Variants in SPAG16 observed in about 807,000 individuals in gnomAD.
SPAG16 encodes sperm associated antigen 16.
SPAG16 carries 86 observed loss-of-function variants against 80.4 expected under a neutral mutation model. The ratio of observed to expected loss-of-function variants is 1.07; its 90% confidence interval spans 0.90 to 1.28. The LOEUF (loss-of-function observed/expected upper bound fraction) is 1.28. Among genes scored for constraint, SPAG16 ranks in the 50% most tolerant of loss-of-function variants. The pLI, the probability that SPAG16 is intolerant of heterozygous loss-of-function variation, is 0.00. For synonymous variants in SPAG16, 294 were observed against 265.9 expected (o/e 1.11, Z -1.03); for missense variants, 870 against 765.3 (o/e 1.14, Z -1.61).
At chr2:213,639,441 G>C (rs548677720) in intron 10 of SPAG16, among the ~76,000 whole-genome samples, 1 of 152,238 alleles carries the variant, frequency 6.6e-6, no homozygotes, top group African/African-American at 2.4e-5. Flanking sequence ...TGGCTTCGTA[G>C]TGCTGAATTC....
At chr2:213,862,669 G>C (rs2075523962) in intron 11 of SPAG16, 41 bp downstream of exon 11, 1 of 1,606,604 alleles carries the variant, frequency 6.2e-7, no homozygotes, top group South Asian at 1.1e-5. Context: ...AATCTCTCTA[G>C]GAATGTGCTC....
chr2:213,843,644 A>G (rs1331669006), intron 10 of SPAG16, among the ~76,000 whole-genome samples: 1 of 152,210 alleles, frequency 6.6e-6, no homozygotes, highest in African/African-American at 2.4e-5. Context: ...TGAGGCCAGA[A>G]GTTTGAAACT....
chr2:214,077,837 C>T (rs1330650002), intron 13 of SPAG16, among the ~76,000 whole-genome samples: 1 of 152,202 alleles, frequency 6.6e-6, no homozygotes, highest in African/African-American at 2.4e-5. Context: ...ATTCTGCCCA[C>T]CAAAATCCTG....
chr2:213,713,974 T>C (rs1015778277), intron 10 of SPAG16, among the ~76,000 whole-genome samples: 1 of 152,176 alleles, frequency 6.6e-6, no homozygotes, highest in African/African-American at 2.4e-5. Context: ...TAACAAACTA[T>C]CAAAAGTTCT....
At chr2:214,022,349 A>G (rs2047916788) in intron 13 of SPAG16, among the ~76,000 whole-genome samples, 1 of 152,086 alleles carries the variant, frequency 6.6e-6, no homozygotes, top group Non-Finnish European at 1.5e-5. Flanking sequence ...TTCTGCCTGG[A>G]TTCAAACCCA....
At chr2:214,297,767 A>T (rs2125943726) in intron 15 of SPAG16, among the ~76,000 whole-genome samples, 1 of 147,956 alleles carries the variant, frequency 6.8e-6, no homozygotes, top group Non-Finnish European at 1.5e-5. Flanking sequence ...GCAGTCAGGT[A>T]TTGTGATGCC....
intron 15 of SPAG16, among the ~76,000 whole-genome samples, chr2:214,405,632 C>G (rs1025323959): frequency 3.3e-5 from 5 of 152,080 alleles, no homozygotes; most frequent in African/African-American, 1.2e-4. Flanking sequence ...CCCATCTCTA[C>G]TAAAAATACA....
chr2:213,395,931 T>C (rs2068008666), intron 9 of SPAG16, among the ~76,000 whole-genome samples: 1 of 152,244 alleles, frequency 6.6e-6, no homozygotes, highest in Admixed American at 6.5e-5. Flanking sequence ...AATTGCTGTT[T>C]CAACACAATT....
chr2:213,864,329 T>G (rs1485335569), intron 11 of SPAG16, among the ~76,000 whole-genome samples: 3 of 152,144 alleles, frequency 2.0e-5, no homozygotes, highest in Admixed American at 6.5e-5. Context: ...TGTGATTTGG[T>G]AAGAAAAGAT....
At chr2:213,299,329 G>T (rs762497733) in intron 3 of SPAG16, among the ~76,000 whole-genome samples, 18 of 149,162 alleles carry the variant, frequency 1.2e-4, no homozygotes, top group Non-Finnish European at 2.5e-4. Flanking sequence ...TTGAGACGGA[G>T]TCTCACTCTG....
rs559781150 is a variant in SPAG16 at position 214,149,633 on chromosome 2, A to G, written c.1720+367A>G. Among the ~76,000 whole-genome samples the G allele has an allele frequency of 7.2e-5, 11 of 152,242 alleles. No homozygotes were observed. The South Asian group carries it at 8.3e-4, about 11-fold the overall frequency. On this transcript the variant is annotated intron_variant, in intron 15 of 15. Transcript: ENST00000331683. The stretch of plus-strand genomic sequence containing the variant: ...TAACAGTAGAGAAGAACAAAAGTTT[A>G]GCAAAAATGAACCTGAAATATTTTT...
At chr2:213,429,672 A>C (rs1274244644) in intron 9 of SPAG16, among the ~76,000 whole-genome samples, 1 of 152,164 alleles carries the variant, frequency 6.6e-6, no homozygotes, top group African/African-American at 2.4e-5. Context: ...CTGCTCACCC[A>C]CCTGGTACAC....
At chr2:214,120,133 T>C (rs1290497374) in intron 14 of SPAG16, among the ~76,000 whole-genome samples, 2 of 151,922 alleles carry the variant, frequency 1.3e-5, no homozygotes, top group Non-Finnish European at 2.9e-5. Flanking sequence ...GTCAATTCTC[T>C]CTAGTATCTC....
At chr2:213,339,692 T>C (rs2064569767) in intron 5 of SPAG16, among the ~76,000 whole-genome samples, 1 of 152,200 alleles carries the variant, frequency 6.6e-6, no homozygotes, top group South Asian at 2.1e-4. Context: ...TTCTAGAATT[T>C]ATATGCTTTC....
chr2:214,253,109 A>C (rs1347777620), intron 15 of SPAG16, among the ~76,000 whole-genome samples: 1 of 142,616 alleles, frequency 7.0e-6, no homozygotes, highest in Non-Finnish European at 1.5e-5. Flanking sequence ...TTTTTTGAGA[A>C]GGATCTGTTC....
intron 9 of SPAG16, among the ~76,000 whole-genome samples, chr2:213,483,450 AT>A (rs2073843240): frequency 1.3e-5 from 2 of 152,244 alleles, no homozygotes; most frequent in Admixed American, 6.5e-5. Context: ...TGGTATATAT[AT>A]TGAACCTGTT....
chr2:213,970,306 A>AT (rs2044962652), intron 12 of SPAG16, among the ~76,000 whole-genome samples: 14 of 144,060 alleles, frequency 9.7e-5, no homozygotes, highest in African/African-American at 3.4e-4. Flanking sequence ...TTTTTTGTTT[A>AT]TTTTTAAAAA....
chr2:214,102,760 G>A (rs192304019), intron 13 of SPAG16, among the ~76,000 whole-genome samples: 1 of 149,910 alleles, frequency 6.7e-6, no homozygotes, highest in African/African-American at 2.5e-5. Context: ...TCGACTGAGG[G>A]GCATAAAGCA....
At chr2:214,317,439 C>T (rs1467778571) in intron 15 of SPAG16, among the ~76,000 whole-genome samples, 3 of 152,172 alleles carry the variant, frequency 2.0e-5, no homozygotes, top group African/African-American at 4.8e-5. Context: ...AACCTTGGAT[C>T]GTTCTCACGT....
Sources: allele counts gnomAD v4.1 joint callset (sites outside exome capture counted in the v4.1 genomes callset), GRCh38; gene constraint gnomAD v4.1.1; transcripts MANE v1.5; gene names NCBI Gene and HGNC (gene_info 2026-07-23, HGNC 2026-07-21).